The following ABCA12 variants were observed in gnomAD, a reference collection of about 807,000 sequenced individuals.
ABCA12 encodes glucosylceramide transporter ABCA12.
ABCA12 carries 156 observed loss-of-function variants against 293.5 expected under a neutral mutation model. The observed-to-expected ratio is 0.53, with a 90% CI of 0.47 to 0.61. The LOEUF is 0.61. Among genes scored for constraint, ABCA12 ranks in the 20% least tolerant of loss-of-function variants. The pLI is 0.00. For missense variants in ABCA12, 2,797 were observed against 3,090.2 expected (o/e 0.91, Z 2.25); for synonymous variants, 1,063 against 1,108.0 (o/e 0.96, Z 0.81).
chr2:214,975,596 G>GA (rs1206157795), intron 34 of ABCA12, among the ~76,000 whole-genome samples, 189 bp downstream of exon 34: 1 of 152,006 alleles, frequency 6.6e-6, no homozygotes, highest in African/African-American at 2.4e-5. Context: ...CAAAAACTCT[G>GA]AAAAAAACTA....
At chr2:214,984,777 A>G (rs1699751525) in intron 28 of ABCA12, among the ~76,000 whole-genome samples, 1 of 152,100 alleles carries the variant, frequency 6.6e-6, no homozygotes, top group Non-Finnish European at 1.5e-5. Context: ...CACCGTTTTC[A>G]CAGCTATCCT....
intron 1 of ABCA12, among the ~76,000 whole-genome samples, chr2:215,128,480 G>A (rs943843934): frequency 6.6e-6 from 1 of 152,132 alleles, no homozygotes; most frequent in South Asian, 2.1e-4. Context: ...CTTCTTGGAA[G>A]CTTTGTTGAT....
intron 11 of ABCA12, among the ~76,000 whole-genome samples, chr2:215,024,080 G>A (rs1174243220): frequency 6.6e-6 from 1 of 152,094 alleles, no homozygotes; most frequent in Non-Finnish European, 1.5e-5. Flanking sequence ...CTTAAACTCA[G>A]GACTCTATGT....
intron 2 of ABCA12, 147 bp from the exon 3 acceptor site, chr2:215,064,366 T>A: frequency 1.3e-6 from 1 of 778,002 alleles, no homozygotes; most frequent in Non-Finnish European, 2.2e-6. Context: ...CAACTAACAC[T>A]CACCACTGAG....
intron 37 of ABCA12, 105 bp downstream of exon 37, chr2:214,970,168 C>G (rs1280551326): frequency 8.8e-7 from 1 of 1,136,270 alleles, no homozygotes; most frequent in South Asian, 1.8e-5. Flanking sequence ...AGAATTTAAC[C>G]ATGTAAAATG....
intron 8 of ABCA12, chr2:215,032,148 G>A: frequency 7.5e-7 from 1 of 1,332,638 alleles, no homozygotes. Flanking sequence ...CAAGTTCTTT[G>A]TCTGTGCATC....
rs545807074 is a variant in ABCA12, at chr2:215,138,559, GA to G, written c.-352del. 0.16 allele frequency: 34,586 copies of G among 222,434 alleles called. 328 individuals are homozygous for G. Among genetic ancestry groups the G allele is most frequent in the South Asian group, 0.25 (4,710 of 18,602 alleles). The allele number at this position is 222,434 out of a possible 1,614,324, so 13.8% of individuals were successfully genotyped here. On this transcript the variant is annotated 5_prime_UTR_variant, in exon 1 of 53. The change abolishes the stop of an existing upstream ORF in the 5' untranslated region. Coordinates refer to ENST00000272895, the MANE Select transcript of ABCA12 (RefSeq NM_173076.3). ...AGCATCATTCAGATAATGCCTCACT[GA>G]AAAAAAAAAAAAAGCAGCAGCTGAA...
chr2:215,044,883 T>C (rs10194036), intron 7 of ABCA12, among the ~76,000 whole-genome samples: 21,885 of 152,088 alleles, frequency 0.14, 4,746 homozygotes, highest in African/African-American at 0.47. Context: ...CAATCTCTTC[T>C]GATGCTCTAG....
chr2:214,979,330 C>A, intron 31 of ABCA12, among the ~76,000 whole-genome samples: 1 of 152,034 alleles, frequency 6.6e-6, no homozygotes, highest in South Asian at 2.1e-4. Flanking sequence ...CACATCCCCT[C>A]CTCAGGGTCC....
chr2:215,010,580 G>T, intron 17 of ABCA12, 110 bp from the exon 18 acceptor site: 1 of 1,207,750 alleles, frequency 8.3e-7, no homozygotes, highest in Non-Finnish European at 1.2e-6. Flanking sequence ...ACATGCTCTA[G>T]TACTTCCTAT....
At chr2:215,134,250 A>G (rs1703125613) in intron 1 of ABCA12, among the ~76,000 whole-genome samples, 1 of 149,238 alleles carries the variant, frequency 6.7e-6, no homozygotes, top group African/African-American at 2.4e-5. Context: ...ATGTGTATAT[A>G]TGTATATATG....
At chr2:215,033,229 C>T (rs1700917224) in intron 8 of ABCA12, among the ~76,000 whole-genome samples, 1 of 152,136 alleles carries the variant, frequency 6.6e-6, no homozygotes, top group African/African-American at 2.4e-5. Context: ...ATAGTAATAC[C>T]TATTATGTAT....
In ABCA12 at chr2:214,932,667, A is replaced by ACTT. The variant is rs776413510; in HGVS notation, c.7752_7754dup (p.Ile2584_Ser2585insArg). ...CCATCTGGTCATCTTGTGAGTCAAC[A>ACTT]CTTATAGTGGAACCTTGGCTGCTGG... On this transcript the variant is annotated inframe_insertion, in exon 53 of 53. Transcript: ENST00000272895. 2.5e-4 allele frequency: 407 copies of ACTT among 1,613,434 alleles called. No homozygotes were observed. The highest frequency in any genetic ancestry group is 3.3e-4 in the Non-Finnish European group (392 of 1,179,700).
At chr2:214,955,403 C>A (rs772173342) in intron 42 of ABCA12, 42 bp from the exon 43 acceptor site, 1 of 1,603,664 alleles carries the variant, frequency 6.2e-7, no homozygotes, top group Admixed American at 1.7e-5. Flanking sequence ...ACGCCTCGGC[C>A]AGGCATGGTG....
intron 7 of ABCA12, among the ~76,000 whole-genome samples, chr2:215,037,400 TTTTTTAGCTAA>T: frequency 6.6e-6 from 1 of 152,144 alleles, no homozygotes; most frequent in Non-Finnish European, 1.5e-5. Flanking sequence ...GAATACATCT[TTTTTTAGCTAA>T]AAAGAAAAAT....
intron 7 of ABCA12, among the ~76,000 whole-genome samples, chr2:215,042,908 T>C (rs1701128674): frequency 6.6e-6 from 1 of 152,128 alleles, no homozygotes; most frequent in Non-Finnish European, 1.5e-5. Context: ...AGATCAACTT[T>C]TTTAGGATCC....
chr2:215,049,774 C>T lies in ABCA12; in HGVS notation c.545G>A (p.Arg182Lys). Residue 182 changes from arginine to lysine, a missense_variant, in exon 6 of 53, where the codon AGA becomes AAA. Arg to Lys is a conservative substitution (Grantham distance 26, BLOSUM62 2). This residue lies in a region of ABCA12 where 656 missense variants were observed against 638.2 expected (regional missense o/e 1.03). Coordinates refer to ENST00000272895, the MANE Select transcript of ABCA12 (RefSeq NM_173076.3). ...TCCTGAATAGCTGTCACATAGTTCTCTTCGTATATCTTCTGAAGTTGAATT... is the reference window on the plus strand; with the variant it reads ...TCCTGAATAGCTGTCACATAGTTCTTTTCGTATATCTTCTGAAGTTGAATT... ...KQNSTSEDIRRELCDSYSGYI... is the reference protein window; with the variant it reads ...KQNSTSEDIRKELCDSYSGYI... 6.2e-7 allele frequency: 1 copy of T among 1,613,414 alleles called. No individual in the cohort carries two copies. The highest frequency in any genetic ancestry group is 1.1e-5 in the South Asian group (1 of 91,076).
chr2:215,097,177 C>T (rs1008630302), intron 2 of ABCA12, among the ~76,000 whole-genome samples: 22 of 152,108 alleles, frequency 1.4e-4, no homozygotes, highest in Admixed American at 6.5e-5. Flanking sequence ...CCCACCTTCA[C>T]GAAATTGTTC....
chr2:214,992,721 G>A (rs1329752940), intron 23 of ABCA12, among the ~76,000 whole-genome samples: 1 of 151,160 alleles, frequency 6.6e-6, no homozygotes, highest in Non-Finnish European at 1.5e-5. Context: ...AATTAGCCGG[G>A]CATGGTGGTG....
Sources: allele counts gnomAD v4.1 joint callset (sites outside exome capture counted in the v4.1 genomes callset), GRCh38; gene constraint gnomAD v4.1.1; regional missense constraint gnomAD v4.1.1; transcripts MANE v1.5; gene names NCBI Gene and HGNC (gene_info 2026-07-23, HGNC 2026-07-21).